The following CCNY variants were observed in gnomAD, a reference collection of about 807,000 sequenced individuals.
The protein encoded by CCNY is cyclin Y, also known as cyclin-Y.
A neutral mutation model predicts 42.8 loss-of-function variants in CCNY; 19 were observed. That is an observed-to-expected ratio of 0.44 (90% CI 0.31 to 0.65). CCNY has a LOEUF of 0.65. Ranked by LOEUF, CCNY falls within the 30% of genes least tolerant of loss-of-function variation. CCNY has a pLI of 0.07. For synonymous variants in CCNY, 165 were observed against 162.7 expected (o/e 1.01, Z -0.11); for missense variants, 370 against 437.3 (o/e 0.85, Z 1.37).
At chr10:35,310,800 G>A (rs536909201) in intron 3 of CCNY, among the ~76,000 whole-genome samples, 1 of 152,204 alleles carries the variant, frequency 6.6e-6, no homozygotes, top group South Asian at 2.1e-4. Flanking sequence ...ACTATGATTA[G>A]CTAACATCTT....
intron 1 of CCNY, among the ~76,000 whole-genome samples, chr10:35,418,655 A>T (rs1186311739): frequency 6.6e-6 from 1 of 151,798 alleles, no homozygotes; most frequent in Non-Finnish European, 1.5e-5. Flanking sequence ...TAGGGGGCGT[A>T]TGTGGGGGAC....
chr10:35,452,289 T>A (rs190997398), intron 1 of CCNY, among the ~76,000 whole-genome samples: 124 of 152,312 alleles, frequency 8.1e-4, no homozygotes, highest in Non-Finnish European at 1.3e-3. Flanking sequence ...ACTAGTTTGT[T>A]CTATAACTAA....
intron 1 of CCNY, among the ~76,000 whole-genome samples, chr10:35,341,985 T>C (rs1323794432): frequency 6.6e-6 from 1 of 152,136 alleles, no homozygotes; most frequent in Non-Finnish European, 1.5e-5. Flanking sequence ...AAATACTAGA[T>C]GAACATCTGC....
At chr10:35,460,669 G>A (rs549620300) in intron 1 of CCNY, among the ~76,000 whole-genome samples, 19 of 152,288 alleles carry the variant, frequency 1.2e-4, no homozygotes, top group Admixed American at 1.2e-3. Flanking sequence ...TGAAATGTTC[G>A]TGGAACATAT....
intron 8 of CCNY, among the ~76,000 whole-genome samples, chr10:35,555,578 A>G (rs948832096): frequency 3.3e-5 from 5 of 152,230 alleles, no homozygotes; most frequent in African/African-American, 7.2e-5. Context: ...AGGTGGTACT[A>G]TTATTCCCAT....
chr10:35,328,624 A>G (rs1835905738), intron 3 of CCNY, among the ~76,000 whole-genome samples: 1 of 152,192 alleles, frequency 6.6e-6, no homozygotes, highest in South Asian at 2.1e-4. Flanking sequence ...AGAACCAACT[A>G]CAACTTCGTG....
At chr10:35,269,611 G>A (rs1324425570) in intron 3 of CCNY, among the ~76,000 whole-genome samples, 3 of 143,738 alleles carry the variant, frequency 2.1e-5, no homozygotes, top group Non-Finnish European at 4.5e-5. Flanking sequence ...AGCCAAGTTC[G>A]CCACTCTTTT....
chr10:35,431,794 C>T (rs1838417485), intron 1 of CCNY, among the ~76,000 whole-genome samples: 2 of 152,122 alleles, frequency 1.3e-5, no homozygotes, highest in South Asian at 4.1e-4. Flanking sequence ...CCACCACTCA[C>T]AGGGTGTGGC....
chr10:35,333,884 T>C (rs940111585), upstream of CCNY, among the ~76,000 whole-genome samples: 1 of 151,610 alleles, frequency 6.6e-6, no homozygotes, highest in Admixed American at 6.6e-5. Context: ...GGTGGATGAG[T>C]TGTGGGGGTC....
intron 1 of CCNY, among the ~76,000 whole-genome samples, chr10:35,358,751 C>T (rs1836616802): frequency 6.6e-6 from 1 of 152,160 alleles, no homozygotes; most frequent in Non-Finnish European, 1.5e-5. Flanking sequence ...TCTAGCATAC[C>T]AAGAAGGGTG....
intron 2 of CCNY, among the ~76,000 whole-genome samples, chr10:35,494,115 A>G (rs1317916178): frequency 6.6e-6 from 1 of 151,766 alleles, no homozygotes; most frequent in Non-Finnish European, 1.5e-5. Flanking sequence ...CCCACATCTT[A>G]GAGTTGCTTC....
intron 8 of CCNY, 121 bp downstream of exon 8, chr10:35,553,306 G>A: frequency 1.1e-6 from 1 of 909,010 alleles, no homozygotes; most frequent in Non-Finnish European, 1.6e-6. Flanking sequence ...CTGAATGTCT[G>A]TTGTGAGCTG....
intron 1 of CCNY, among the ~76,000 whole-genome samples, chr10:35,363,896 G>A (rs965907827): frequency 6.6e-6 from 1 of 152,208 alleles, no homozygotes; most frequent in African/African-American, 2.4e-5. Context: ...TGCTTTTAGT[G>A]TATGGATATT....
chr10:35,566,997 C>T (rs1841585327), intron 9 of CCNY, among the ~76,000 whole-genome samples: 1 of 152,166 alleles, frequency 6.6e-6, no homozygotes, highest in Non-Finnish European at 1.5e-5. Context: ...CAGGCATGAG[C>T]CACCACAATT....
At chr10:35,388,486 A>G (rs1837342941) in intron 1 of CCNY, among the ~76,000 whole-genome samples, 1 of 152,232 alleles carries the variant, frequency 6.6e-6, no homozygotes, top group Non-Finnish European at 1.5e-5. Context: ...TTAGTGTCAC[A>G]TGATGGCTAT....
At chr10:35,282,114 C>CTTTT (rs3066487) in intron 3 of CCNY, among the ~76,000 whole-genome samples, 12 of 87,876 alleles carry the variant, frequency 1.4e-4, no homozygotes, top group East Asian at 3.9e-4. Flanking sequence ...CATCTACACC[C>CTTTT]TTTTTTTTTT....
intron 7 of CCNY, among the ~76,000 whole-genome samples, chr10:35,546,417 A>G (rs1372167837): frequency 6.6e-6 from 1 of 152,194 alleles, no homozygotes; most frequent in Non-Finnish European, 1.5e-5. Context: ...GAGACTTCTT[A>G]GGATAGTCAT....
chr10:35,338,513 A>T (rs961955884), intron 1 of CCNY, among the ~76,000 whole-genome samples: 4 of 152,190 alleles, frequency 2.6e-5, no homozygotes, highest in African/African-American at 9.7e-5. Context: ...TTTCTTCTTA[A>T]ATTTATGCAT....
At chr10:35,562,285 G>A (rs548278465) in intron 8 of CCNY, among the ~76,000 whole-genome samples, 6 of 152,320 alleles carry the variant, frequency 3.9e-5, no homozygotes, top group African/African-American at 1.2e-4. Context: ...GTTTCTGGTG[G>A]TGTTTTGTTT....
Sources: allele counts gnomAD v4.1 joint callset (sites outside exome capture counted in the v4.1 genomes callset), GRCh38; gene constraint gnomAD v4.1.1; transcripts MANE v1.5; gene names NCBI Gene and HGNC (gene_info 2026-07-23, HGNC 2026-07-21).